Variants in FSIP2 observed in about 807,000 individuals in gnomAD.
FSIP2 encodes fibrous sheath interacting protein 2, also known as fibrous sheath-interacting protein 2.
Under a neutral mutation model 510.5 loss-of-function variants are expected in FSIP2, and 367 were observed. That is an observed-to-expected ratio of 0.72 (90% CI 0.66 to 0.78). The LOEUF is 0.78. Among genes scored for constraint, FSIP2 ranks in the 30% least tolerant of loss-of-function variants. The pLI is 0.00. For synonymous variants in FSIP2, 2,601 were observed against 2,732.2 expected, an observed-to-expected ratio of 0.95 and a Z score of 1.50; for missense variants, 7,594 against 7,901.7, an observed-to-expected ratio of 0.96 and a Z score of 1.48.
chr2:185,767,505 C>T (rs933552910), intron 13 of FSIP2, among the ~76,000 whole-genome samples: 14 of 152,048 alleles, frequency 9.2e-5, no homozygotes, highest in Admixed American at 3.3e-4. Flanking sequence ...ATGAGCTTGA[C>T]ATTTTTATAT....
At chr2:185,748,904 A>G (rs909880878) in intron 7 of FSIP2, among the ~76,000 whole-genome samples, 1 of 151,970 alleles carries the variant, frequency 6.6e-6, no homozygotes, top group East Asian at 1.9e-4. Context: ...TTATGTCATG[A>G]TTTTCAGATT....
chr2:185,793,953 A>AT lies in FSIP2; in HGVS notation c.6819dup (p.Thr2274TyrfsTer7). On this transcript the variant is annotated frameshift_variant, in exon 16 of 23. Transcript: ENST00000424728. LOFTEE classifies it high-confidence loss of function. ...TGCCACAGAAAGAATAGATTCATTA[A>AT]TTACCCTTGCTTTCCAAAGTAAAGA... The AT allele has an allele frequency of 6.5e-7, 1 of 1,527,514 alleles. No individual in the cohort carries two copies. Among genetic ancestry groups the AT allele is most frequent in the Non-Finnish European group, 8.7e-7 (1 of 1,142,912 alleles). 94.6% of individuals were successfully genotyped at this position (1,527,514 alleles called of 1,614,324 possible).
At chr2:185,740,896 A>G (rs553265451) in intron 2 of FSIP2, among the ~76,000 whole-genome samples, 1 of 152,124 alleles carries the variant, frequency 6.6e-6, no homozygotes, top group Non-Finnish European at 1.5e-5. Flanking sequence ...TTTTGGGGGC[A>G]TACAGTCAAT....
At position 185,782,778 on chromosome 2, in the gene FSIP2, A is replaced by C; in HGVS notation, c.1469+16A>C. On this transcript the variant is annotated intron_variant, in intron 14 of 22. Transcript: ENST00000424728. ...ACACAAATATGTAAGTACCTAAGGAATTATATATAATCATAACTAATTTTA... is the reference window on the plus strand; with the variant it reads ...ACACAAATATGTAAGTACCTAAGGACTTATATATAATCATAACTAATTTTA... 7.9e-7 allele frequency: 1 copy of C among 1,263,146 alleles called. No individual in the cohort carries two copies. Among genetic ancestry groups the C allele is most frequent in the Non-Finnish European group, 1.1e-6 (1 of 898,448 alleles). 78.2% of individuals were successfully genotyped at this position (1,263,146 alleles called of 1,614,324 possible). A position where few individuals can be genotyped will look rare whatever the true frequency, so the allele number is the denominator to read the frequency against.
chr2:185,763,457 T>C (rs1218693737), intron 12 of FSIP2, among the ~76,000 whole-genome samples, 168 bp downstream of exon 12: 1 of 151,568 alleles, frequency 6.6e-6, no homozygotes, highest in Non-Finnish European at 1.5e-5. Flanking sequence ...ACAGTCTGCT[T>C]AAATGTAAGC....
Position 185,801,677 on chromosome 2 carries a change from T to G in FSIP2, c.12371T>G (p.Phe4124Cys). The G allele has an allele frequency of 6.5e-7, 1 of 1,527,722 alleles. No individual in the cohort carries two copies. Among genetic ancestry groups the G allele is most frequent in the Non-Finnish European group, 8.7e-7 (1 of 1,143,208 alleles). The allele number at this position is 1,527,722 out of a possible 1,614,324, so 94.6% of individuals were successfully genotyped here. The change falls in exon 17 of 23, where the codon TTT (phenylalanine) becomes TGT (cysteine). Residue 4124 changes from phenylalanine (F) to cysteine (C), a missense_variant. Transcript: ENST00000424728. The stretch of plus-strand genomic sequence containing the variant: ...AAGCTTCAAAGTAACCTAACAGAAT[T>G]TACTTCTCTACCCAGGTCTTCATCA... ...LQKLQSNLTE[F>C]TSLPRSSSDY...
At chr2:185,765,561 T>A (rs1559016221) in intron 13 of FSIP2, 1 of 152,108 alleles carries the variant, frequency 6.6e-6, no homozygotes, top group Non-Finnish European at 1.5e-5. Flanking sequence ...GTAGTATAGT[T>A]TGAAGTCAGG....
At position 185,788,812 on chromosome 2, in the gene FSIP2, G is replaced by T. The variant is rs1466738251; in HGVS notation, c.1676G>T (p.Cys559Phe). The T allele has an allele frequency of 6.5e-7, 1 of 1,534,560 alleles. No individual in the cohort carries two copies. The highest frequency in any genetic ancestry group is 2.0e-5 in the Admixed American group (1 of 50,874). The change falls in exon 16 of 23, where the codon TGT becomes TTT. Residue 559 changes from cysteine (C) to phenylalanine (F), a missense_variant. Coordinates refer to ENST00000424728, the MANE Select transcript of FSIP2 (RefSeq NM_173651.4). ...SILSSDSSSF[C>F]STCSEDFTYR... ...CTCTCTTCAGATAGTTCAAGTTTCT[G>T]TAGCACGTGCAGTGAAGACTTTACA...
In FSIP2 at chr2:185,804,945, CA is replaced by C. The variant is rs1198924684; in HGVS notation, c.15645del (p.Gly5216AspfsTer8). The stretch of plus-strand genomic sequence containing the variant: ...AAGCTGAAGTACAAAAAGATGCAGA[CA>C]AAAAAGGATGCTCATTCCTCAGTAA... ...FQAEVQKDAD[K>X]KGCSFLSKLA... On this transcript the variant is annotated frameshift_variant, in exon 17 of 23. Coordinates refer to ENST00000424728, the MANE Select transcript of FSIP2 (RefSeq NM_173651.4). LOFTEE classifies it high-confidence loss of function. The C allele has an allele frequency of 2.7e-5, 42 of 1,530,280 alleles. No homozygotes were observed. The highest frequency in any genetic ancestry group is 3.5e-5 in the Non-Finnish European group (40 of 1,144,678). 94.8% of individuals were successfully genotyped at this position (1,530,280 alleles called of 1,614,324 possible).
chr2:185,753,930 C>T, intron 8 of FSIP2, 88 bp downstream of exon 8: 5 of 883,940 alleles, frequency 5.7e-6, no homozygotes, highest in Non-Finnish European at 4.7e-6. Context: ...TGTGTATTTA[C>T]ACTTGTTTCT....
In FSIP2 at chr2:185,808,521, T is replaced by C. The variant is rs1486459498; in HGVS notation, c.19215T>C (p.Pro6405=). The change falls in exon 17 of 23, where the codon CCT becomes CCC. Residue 6405 remains proline, a synonymous_variant. Transcript: ENST00000424728. Reference sequence around the variant, plus strand: ...GCATTAGTCTAATAGCTTCTGATCCTGAAGAGCACTGTTTAAATCCAGAAA... The same window carrying C: ...GCATTAGTCTAATAGCTTCTGATCCCGAAGAGCACTGTTTAAATCCAGAAA... ...RSSISLIASD[P]EEHCLNPENT... The C allele has an allele frequency of 3.7e-6, 6 of 1,612,152 alleles. No individual in the cohort carries two copies. Among genetic ancestry groups the C allele is most frequent in the East Asian group, 2.2e-5 (1 of 44,710 alleles).
chr2:185,737,894 C>T (rs536599646), upstream of FSIP2, among the ~76,000 whole-genome samples: 40 of 152,246 alleles, frequency 2.6e-4, 1 homozygote, highest in Admixed American at 5.2e-4. Flanking sequence ...CATTTAACAG[C>T]AATTGTCAGT....
chr2:185,776,730 A>C (rs549566039), intron 13 of FSIP2, among the ~76,000 whole-genome samples: 5 of 152,164 alleles, frequency 3.3e-5, no homozygotes, highest in Admixed American at 6.5e-5. Context: ...GAGGGATGCA[A>C]GATTTTTATT....
intron 7 of FSIP2, among the ~76,000 whole-genome samples, chr2:185,750,139 T>C (rs1692113430): frequency 6.6e-6 from 1 of 151,768 alleles, no homozygotes; most frequent in Admixed American, 6.6e-5. Flanking sequence ...TACCCTTCTC[T>C]GATTTTGGTA....
chr2:185,741,968 G>C (rs1559007669), intron 2 of FSIP2, among the ~76,000 whole-genome samples: 1 of 152,132 alleles, frequency 6.6e-6, no homozygotes, highest in South Asian at 2.1e-4. Context: ...ACCCAAATTG[G>C]TGCCTCTAGA....
At chr2:185,825,707 A>G (rs1694002973) in intron 20 of FSIP2, among the ~76,000 whole-genome samples, 1 of 151,780 alleles carries the variant, frequency 6.6e-6, no homozygotes, top group Admixed American at 6.6e-5. Context: ...CAGGTGTTCA[A>G]CTGAATCATT....
Position 185,796,131 on chromosome 2 carries a change from A to G in FSIP2, c.8995A>G (p.Met2999Val). The change falls in exon 16 of 23, where the codon ATG becomes GTG. Residue 2999 changes from methionine (M) to valine (V), a missense_variant. By Grantham distance (21) the Met-to-Val change is conservative (BLOSUM62 1). Coordinates refer to ENST00000424728, the MANE Select transcript of FSIP2 (RefSeq NM_173651.4). ...VQEIVETVLN[M>V]LESFVDLQFK... ...AGAGATTGTAGAAACGGTTTTAAAC[A>G]TGTTAGAGTCATTTGTGGACTTGCA... is the stretch of plus-strand genomic sequence containing the variant. 6.5e-7 allele frequency: 1 copy of G among 1,534,406 alleles called. No homozygotes were observed. Among genetic ancestry groups the G allele is most frequent in the Middle Eastern group, 1.7e-4 (1 of 5,970 alleles).
rs367642829 is a variant in FSIP2, at chr2:185,802,204, C to T, written c.12898C>T (p.Pro4300Ser). The change falls in exon 17 of 23, where the codon CCT becomes TCT. Residue 4300 changes from proline (P) to serine (S), a missense_variant. Coordinates refer to ENST00000424728, the MANE Select transcript of FSIP2 (RefSeq NM_173651.4). ...GTCACACAGACCTCAGAAGCAATCA[C>T]CTTTAGATATTCACCTTGATTCATT... ...IESHRPQKQS[P>S]LDIHLDSFVR... The T allele has an allele frequency of 2.7e-5, 42 of 1,533,586 alleles. No individual in the cohort carries two copies. The East Asian group carries it at 5.6e-4, about 21-fold the overall frequency. The allele number at this position is 1,533,586 out of a possible 1,614,324, so 95.0% of individuals were successfully genotyped here.
chr2:185,767,260 T>C (rs1278824609), intron 13 of FSIP2, among the ~76,000 whole-genome samples: 8 of 150,154 alleles, frequency 5.3e-5, no homozygotes, highest in African/African-American at 2.5e-5. Context: ...ATGGCACATG[T>C]ATACATATGT....
Sources: gnomAD v4.1 joint callset for allele counts (sites outside exome capture counted in the v4.1 genomes callset) on GRCh38, gnomAD v4.1.1 for gene constraint, MANE v1.5 for transcripts, NCBI Gene and HGNC (gene_info 2026-07-23, HGNC 2026-07-21) for gene names.